The following IMPG1 variants were observed in gnomAD, a reference collection of about 807,000 sequenced individuals.
IMPG1 encodes the protein interphotoreceptor matrix proteoglycan of 150 kDa.
In IMPG1, 85 loss-of-function variants were observed where a neutral mutation model predicts 92.0. The ratio of observed to expected loss-of-function variants is 0.92; its 90% CI spans 0.78 to 1.11. The LOEUF is 1.11. IMPG1 is among the 50% of genes least tolerant of loss of function. The pLI is 0.00. For synonymous variants in IMPG1, 367 were observed against 334.1 expected (o/e 1.10, Z -1.08); for missense variants, 1,022 against 956.0 (o/e 1.07, Z -0.91).
chr6:76,042,617 G>C (rs992300449), intron 1 of IMPG1, among the ~76,000 whole-genome samples: 1 of 152,150 alleles, frequency 6.6e-6, no homozygotes, highest in Non-Finnish European at 1.5e-5. Flanking sequence ...TATATGGGCA[G>C]GGCTCAGAGC....
At chr6:75,963,977 G>A (rs1224801968) in intron 12 of IMPG1, among the ~76,000 whole-genome samples, 1 of 152,198 alleles carries the variant, frequency 6.6e-6, no homozygotes, top group Non-Finnish European at 1.5e-5. Context: ...GTGAGGCAAT[G>A]GATAACAGCT....
At chr6:75,994,030 T>C (rs1244874905) in intron 12 of IMPG1, among the ~76,000 whole-genome samples, 1 of 152,202 alleles carries the variant, frequency 6.6e-6, no homozygotes, top group Non-Finnish European at 1.5e-5. Flanking sequence ...TTTCTGGCAC[T>C]GGTGAGGTGC....
intron 1 of IMPG1, among the ~76,000 whole-genome samples, chr6:76,046,716 T>C (rs1387386051): frequency 6.6e-6 from 1 of 152,160 alleles, no homozygotes; most frequent in East Asian, 1.9e-4. Context: ...CCTTACAGGG[T>C]TTCTGTGATA....
intron 1 of IMPG1, among the ~76,000 whole-genome samples, chr6:76,046,881 G>T (rs1383254546): frequency 6.6e-6 from 1 of 151,962 alleles, no homozygotes; most frequent in Non-Finnish European, 1.5e-5. Flanking sequence ...GATCTCTAAA[G>T]CTTTATTCAA....
Position 75,921,851 on chromosome 6 carries a change from A to C in IMPG1, c.*238T>G, listed in dbSNP as rs1347001492. The C allele has an allele frequency of 2.9e-6, 1 of 343,986 alleles. No homozygotes were observed. Among genetic ancestry groups the C allele is most frequent in the Non-Finnish European group, 5.3e-6 (1 of 189,388 alleles). 21.3% of individuals were successfully genotyped at this position (343,986 alleles called of 1,614,324 possible). A position where few individuals can be genotyped will look rare whatever the true frequency, so the allele number is the denominator to read the frequency against. On this transcript the variant is annotated 3_prime_UTR_variant, in exon 17 of 17. Coordinates refer to ENST00000369950, the MANE Select transcript of IMPG1 (RefSeq NM_001563.4). ...TGACTATCATCCAAGAATAGTAAAA[A>C]TATGTTTCGCTGATTGCATTTGGGG...
In IMPG1 at chr6:75,961,952, T is replaced by C. The variant is rs1782217837; in HGVS notation, c.1292-10858A>G. On this transcript the variant is annotated intron_variant, in intron 12 of 16. Coordinates refer to ENST00000369950, the MANE Select transcript of IMPG1 (RefSeq NM_001563.4). ...GAAAGAAATGGGATACTGAAAAATGTTCAGGGAAAGGGAAATCTCCAGGAA... is the reference window on the plus strand; with the variant it reads ...GAAAGAAATGGGATACTGAAAAATGCTCAGGGAAAGGGAAATCTCCAGGAA... Among the ~76,000 whole-genome samples, 3 of 151,694 alleles carry C rather than the reference T, an allele frequency of 2.0e-5. No individual in the cohort carries two copies. The South Asian group carries it at 6.3e-4, about 32-fold the overall frequency.
At chr6:76,067,672 T>A (rs1182292435) in intron 1 of IMPG1, among the ~76,000 whole-genome samples, 1 of 152,166 alleles carries the variant, frequency 6.6e-6, no homozygotes, top group African/African-American at 2.4e-5. Context: ...GAGGGAATCC[T>A]TCTTAGCTCA....
intron 15 of IMPG1, among the ~76,000 whole-genome samples, chr6:75,926,186 A>G (rs898767067): frequency 4.6e-5 from 7 of 152,214 alleles, no homozygotes; most frequent in African/African-American, 1.7e-4. Context: ...AGACCAGGAG[A>G]GCCATACCTC....
chr6:75,932,198 G>T (rs541880488), intron 14 of IMPG1, among the ~76,000 whole-genome samples: 1 of 152,204 alleles, frequency 6.6e-6, no homozygotes, highest in African/African-American at 2.4e-5. Context: ...CTGGTCTCAC[G>T]GCCATCCCTT....
At chr6:76,020,226 A>G (rs562549860) in intron 6 of IMPG1, among the ~76,000 whole-genome samples, 9 of 151,806 alleles carry the variant, frequency 5.9e-5, no homozygotes, top group Admixed American at 4.6e-4. Context: ...GTAATTTTTA[A>G]ATTTTTTGTG....
rs924284119 is a variant in IMPG1, at chr6:75,959,152, C to T, written c.1292-8058G>A. ...GTCAGGCCCCTCTGCTGCAGGTCTG[C>T]TGGAGTTTGCGGGAGGTCCACTGTA... On this transcript the variant is annotated intron_variant, in intron 12 of 16. Transcript: ENST00000369950. Among the ~76,000 whole-genome samples the T allele has an allele frequency of 2.0e-5, 3 of 152,130 alleles. No homozygotes were observed. The South Asian group carries it at 6.2e-4, about 31-fold the overall frequency.
chr6:76,035,660 A>G (rs868033702), intron 2 of IMPG1, among the ~76,000 whole-genome samples: 3 of 152,292 alleles, frequency 2.0e-5, no homozygotes, highest in Middle Eastern at 6.8e-3. Context: ...AAAGAGAATC[A>G]ATTTCCAGGT....
intron 12 of IMPG1, among the ~76,000 whole-genome samples, chr6:75,997,201 A>G (rs1180442366): frequency 6.6e-6 from 1 of 152,180 alleles, no homozygotes; most frequent in Non-Finnish European, 1.5e-5. Flanking sequence ...TCTTTAGATG[A>G]CATTTTTCTT....
In IMPG1 at chr6:75,978,912, C is replaced by A. The variant is rs1228184322; in HGVS notation, c.1291+24006G>T. 3.3e-5 allele frequency among the ~76,000 whole-genome samples: 5 copies of A among 151,894 alleles called. No homozygotes were observed. In the South Asian group the frequency reaches 1.0e-3, roughly 32 times the overall value. ...AAACTGTGGCATAGAAAGATAAACA[C>A]TTTTTTGGGGGGTGGGGAGGACAAG... On this transcript the variant is annotated intron_variant, in intron 12 of 16. Transcript: ENST00000369950.
chr6:76,013,796 T>C (rs1235454071), intron 7 of IMPG1, among the ~76,000 whole-genome samples: 1 of 152,230 alleles, frequency 6.6e-6, no homozygotes, highest in African/African-American at 2.4e-5. Context: ...CATCAAAAAT[T>C]ACTGCCAACT....
At chr6:75,974,878 G>A (rs1782509569) in intron 12 of IMPG1, among the ~76,000 whole-genome samples, 1 of 152,178 alleles carries the variant, frequency 6.6e-6, no homozygotes, top group Non-Finnish European at 1.5e-5. Flanking sequence ...TGATTTAAAA[G>A]TCAAAGATAA....
intron 12 of IMPG1, among the ~76,000 whole-genome samples, chr6:75,979,241 T>C (rs1782588493): frequency 1.3e-5 from 2 of 152,238 alleles, no homozygotes; most frequent in Non-Finnish European, 2.9e-5. Context: ...CTTAATATAG[T>C]ATCAGTGATG....
intron 16 of IMPG1, among the ~76,000 whole-genome samples, chr6:75,922,695 A>T (rs1421923896): frequency 6.6e-6 from 1 of 152,176 alleles, no homozygotes; most frequent in Non-Finnish European, 1.5e-5. Context: ...TTTTGTCAAT[A>T]TCAGATCCTG....
chr6:76,014,251 G>A (rs975163140), intron 7 of IMPG1, among the ~76,000 whole-genome samples: 3 of 152,172 alleles, frequency 2.0e-5, no homozygotes, highest in Non-Finnish European at 4.4e-5. Context: ...GCTCCTGAGA[G>A]CCCATTTTTC....
Sources: gnomAD v4.1 joint callset for allele counts (sites outside exome capture counted in the v4.1 genomes callset) on GRCh38, gnomAD v4.1.1 for gene constraint, MANE v1.5 for transcripts, NCBI Gene and HGNC (gene_info 2026-07-23, HGNC 2026-07-21) for gene names.